MRC1: variants seen among roughly 807,000 people sequenced by gnomAD.
The protein encoded by MRC1 is macrophage mannose receptor 1.
MRC1 carries 62 observed loss-of-function variants against 102.9 expected under a neutral mutation model. The observed-to-expected ratio is 0.60, with a 90% CI of 0.49 to 0.74. The LOEUF is 0.74. Ranked by LOEUF, MRC1 falls within the 30% of genes least tolerant of loss-of-function variation. The pLI is 0.00. For synonymous variants in MRC1, 457 were observed against 298.4 expected (o/e 1.53, Z -5.48); for missense variants, 1,237 against 862.8 (o/e 1.43, Z -5.43).
intron 1 of MRC1, among the ~76,000 whole-genome samples, chr10:17,817,924 A>G (rs923431245): frequency 0.039 from 5,910 of 152,300 alleles, 151 homozygotes; most frequent in Non-Finnish European, 0.048. Context: ...ATGATGATAA[A>G]GGCAAAATGA....
At chr10:17,875,726 G>A (rs1005179969) in intron 17 of MRC1, among the ~76,000 whole-genome samples, 51 of 152,276 alleles carry the variant, frequency 3.3e-4, no homozygotes, top group African/African-American at 9.6e-4. Context: ...ATATTATAAC[G>A]TGTGTGCAAG....
intron 22 of MRC1, among the ~76,000 whole-genome samples, chr10:17,891,561 C>T (rs1833676937): frequency 6.6e-6 from 1 of 152,170 alleles, no homozygotes; most frequent in Non-Finnish European, 1.5e-5. Flanking sequence ...CACCCTCCAC[C>T]CCAGTCTGTG....
At chr10:17,820,456 A>G (rs1838378032) in intron 1 of MRC1, among the ~76,000 whole-genome samples, 1 of 152,220 alleles carries the variant, frequency 6.6e-6, no homozygotes, top group South Asian at 2.1e-4. Context: ...AGTCAAGTAT[A>G]AAAACATCTG....
intron 1 of MRC1, among the ~76,000 whole-genome samples, chr10:17,817,853 A>T (rs1306866564): frequency 6.6e-6 from 1 of 152,258 alleles, no homozygotes; most frequent in African/African-American, 2.4e-5. Flanking sequence ...CTTTTGGCCA[A>T]CGTCTTGAAT....
At chr10:17,882,848 A>G (rs1833538397) in intron 21 of MRC1, among the ~76,000 whole-genome samples, 1 of 152,230 alleles carries the variant, frequency 6.6e-6, no homozygotes, top group African/African-American at 2.4e-5. Flanking sequence ...GAGAAACACA[A>G]TAATTGATTT....
intron 11 of MRC1, among the ~76,000 whole-genome samples, chr10:17,864,959 C>T (rs2130666404): frequency 6.6e-6 from 1 of 152,144 alleles, no homozygotes; most frequent in East Asian, 1.9e-4. Flanking sequence ...TCGCACCACC[C>T]TGCCTGCCTC....
Position 17,875,180 on chromosome 10 carries a change from C to T in MRC1, c.2477C>T (p.Ala826Val). Reference protein sequence around the residue: ...KEKETMDNARAFCKRNFGDLV... With the variant: ...KEKETMDNARVFCKRNFGDLV... The stretch of plus-strand genomic sequence containing the variant: ...AAGGAAACCATGGACAATGCGCGAG[C>T]GTTTTGCAAGAGGAATTTTGGTGAT... Residue 826 changes from alanine to valine, a missense_variant, in exon 17 of 30, where the codon GCG becomes GTG. Physicochemically the swap from Ala to Val is moderately conservative, Grantham distance 64. Coordinates refer to ENST00000569591, the MANE Select transcript of MRC1 (RefSeq NM_002438.4). The T allele has an allele frequency of 7.7e-6, 6 of 780,780 alleles. No homozygotes were observed. Among genetic ancestry groups the T allele is most frequent in the East Asian group, 2.4e-5 (1 of 41,256 alleles). 48.4% of individuals were successfully genotyped at this position (780,780 alleles called of 1,614,324 possible).
At chr10:17,900,086 G>A (rs1222551197) in intron 24 of MRC1, among the ~76,000 whole-genome samples, 1 of 132,880 alleles carries the variant, frequency 7.5e-6, no homozygotes, top group Non-Finnish European at 1.5e-5. Flanking sequence ...GGACAAGAGC[G>A]AGACTTCTCT....
Position 17,902,168 on chromosome 10 carries a change from T to C in MRC1, c.3799+46T>C, listed in dbSNP as rs929820783. The C allele has an allele frequency of 1.6e-5, 12 of 754,382 alleles. No individual in the cohort carries two copies. In the African/African-American group the frequency reaches 1.7e-4, roughly 11 times the overall value. 46.7% of individuals were successfully genotyped at this position (754,382 alleles called of 1,614,324 possible). A position where few individuals can be genotyped will look rare whatever the true frequency, so the allele number is the denominator to read the frequency against. Reference sequence around the variant, plus strand: ...AGGAAAACTCCATAATCATCTATTCTGGGGTCCACTGACACTATACATGAA... The same window carrying C: ...AGGAAAACTCCATAATCATCTATTCCGGGGTCCACTGACACTATACATGAA... On this transcript the variant is annotated intron_variant, in intron 26 of 29. Coordinates refer to ENST00000569591, the MANE Select transcript of MRC1 (RefSeq NM_002438.4).
chr10:17,883,841 G>A (rs1833552665), intron 21 of MRC1, among the ~76,000 whole-genome samples: 1 of 152,174 alleles, frequency 6.6e-6, no homozygotes. Context: ...CTGAGGGAAG[G>A]GGAGGGGCAC....
chr10:17,892,156 A>G (rs1208259219), intron 22 of MRC1, among the ~76,000 whole-genome samples: 1 of 152,132 alleles, frequency 6.6e-6, no homozygotes, highest in Non-Finnish European at 1.5e-5. Context: ...GTCGTATTTT[A>G]AAATGGCTCT....
intron 6 of MRC1, among the ~76,000 whole-genome samples, chr10:17,847,777 T>G (rs1030272458): frequency 1.0e-4 from 15 of 150,674 alleles, no homozygotes; most frequent in African/African-American, 3.4e-4. Context: ...GTTGTTTTCA[T>G]GCTTTCAAAT....
intron 9 of MRC1, among the ~76,000 whole-genome samples, chr10:17,856,927 T>A (rs1386698365): frequency 5.3e-5 from 8 of 152,270 alleles, no homozygotes; most frequent in African/African-American, 1.9e-4. Flanking sequence ...TGTGAAATAG[T>A]TTTTTAAAGC....
Position 17,910,485 on chromosome 10 carries a change from G to A in MRC1, c.*20G>A. 2.6e-6 allele frequency: 2 copies of A among 780,466 alleles called. No homozygotes were observed. Among genetic ancestry groups the A allele is most frequent in the South Asian group, 1.3e-5 (1 of 74,410 alleles). The allele number at this position is 780,466 out of a possible 1,614,324, so 48.3% of individuals were successfully genotyped here. A position where few individuals can be genotyped will look rare whatever the true frequency, so the allele number is the denominator to read the frequency against. On this transcript the variant is annotated 3_prime_UTR_variant, in exon 30 of 30. Transcript: ENST00000569591. ...ATCTAGTACCTCAATGCGATTCTGAGATATTTGAATTTCATAAAATTGTAA... is the reference window on the plus strand; with the variant it reads ...ATCTAGTACCTCAATGCGATTCTGAAATATTTGAATTTCATAAAATTGTAA...
At chr10:17,885,968 C>T (rs907558964) in intron 22 of MRC1, among the ~76,000 whole-genome samples, 1 of 151,964 alleles carries the variant, frequency 6.6e-6, no homozygotes, top group Non-Finnish European at 1.5e-5. Flanking sequence ...AATTGAACAG[C>T]CAACTTATCA....
chr10:17,813,696 ATATATT>A (rs1838261748), intron 1 of MRC1, among the ~76,000 whole-genome samples: 1 of 102,668 alleles, frequency 9.7e-6, no homozygotes, highest in Admixed American at 9.9e-5. Flanking sequence ...ATATATATAT[ATATATT>A]TTTTTTTTTT....
At chr10:17,884,523 G>C (rs1833562971) in intron 21 of MRC1, among the ~76,000 whole-genome samples, 1 of 152,196 alleles carries the variant, frequency 6.6e-6, no homozygotes, top group African/African-American at 2.4e-5. Flanking sequence ...CCACATGGCT[G>C]GGGAGGCCTC....
intron 24 of MRC1, among the ~76,000 whole-genome samples, 159 bp downstream of exon 24, chr10:17,898,425 C>T (rs1468958006): frequency 1.3e-5 from 2 of 152,158 alleles, no homozygotes; most frequent in Non-Finnish European, 2.9e-5. Flanking sequence ...CTTTCAGGGA[C>T]GTGATGCCTT....
In MRC1 at chr10:17,826,835, TA is replaced by T. The variant is rs1198454648; in HGVS notation, c.464-705del. On this transcript the variant is annotated intron_variant, in intron 2 of 29. Coordinates refer to ENST00000569591, the MANE Select transcript of MRC1 (RefSeq NM_002438.4). ...AAAAACCTTGATTGTAGATGGTATA[TA>T]ACAGTTTTGAGTGGTTTCTTTTCAT... 2.6e-3 allele frequency among the ~76,000 whole-genome samples: 389 copies of T among 152,346 alleles called. 3 individuals are homozygous for T. The highest frequency in any genetic ancestry group is 8.9e-3 in the African/African-American group (368 of 41,576).
Sources: gnomAD v4.1 joint callset for allele counts (sites outside exome capture counted in the v4.1 genomes callset) on GRCh38, gnomAD v4.1.1 for gene constraint, MANE v1.5 for transcripts, NCBI Gene and HGNC (gene_info 2026-07-23, HGNC 2026-07-21) for gene names.